Variants in SV2C observed in about 807,000 individuals in gnomAD.
SV2C encodes synaptic vesicle glycoprotein 2C.
In SV2C, 49 loss-of-function variants were observed where a neutral mutation model predicts 79.7. That is an observed-to-expected ratio of 0.61 (90% CI 0.49 to 0.78). SV2C has a LOEUF of 0.78. SV2C is among the 30% of genes least tolerant of loss of function. SV2C has a pLI of 0.00. For missense variants in SV2C, 833 were observed against 912.9 expected, an observed-to-expected ratio of 0.91 and a Z score of 1.13; for synonymous variants, 334 against 333.2, an observed-to-expected ratio of 1.00 and a Z score of -0.03.
intron 1 of SV2C, chr5:76,084,110 C>G (rs999274875): frequency 2.0e-5 from 3 of 152,354 alleles, no homozygotes; most frequent in Non-Finnish European, 4.4e-5. Flanking sequence ...TGTCTGGCGT[C>G]TAAGAGAGAG....
chr5:76,165,513 C>T (rs1580320644), intron 2 of SV2C, among the ~76,000 whole-genome samples: 1 of 152,182 alleles, frequency 6.6e-6, no homozygotes, highest in African/African-American at 2.4e-5. Flanking sequence ...CTGTCCTCAA[C>T]CCTAACCCCT....
intron 2 of SV2C, among the ~76,000 whole-genome samples, chr5:76,168,359 C>T (rs1743106123): frequency 6.6e-6 from 1 of 152,184 alleles, no homozygotes; most frequent in Non-Finnish European, 1.5e-5. Context: ...ACTGCAGTAG[C>T]TGCCCCCACC....
the SV2C span, among the ~76,000 whole-genome samples, chr5:76,033,774 A>G: frequency 6.6e-6 from 1 of 151,986 alleles, no homozygotes; most frequent in African/African-American, 2.4e-5. Context: ...GTTTTTTCCA[A>G]TTCTGTGAAG....
chr5:75,884,116 C>A, the SV2C span, among the ~76,000 whole-genome samples: 1 of 152,136 alleles, frequency 6.6e-6, no homozygotes, highest in Non-Finnish European at 1.5e-5. Context: ...GGGAGATTTT[C>A]TTCAGGAAGG....
the SV2C span, among the ~76,000 whole-genome samples, chr5:75,895,894 T>C: frequency 0.015 from 2,326 of 152,212 alleles, 62 homozygotes; most frequent in African/African-American, 0.053. Flanking sequence ...CATTAATTTT[T>C]ATTGTAGTAC....
At chr5:76,030,795 A>G in the SV2C span, among the ~76,000 whole-genome samples, 12 of 152,142 alleles carry the variant, frequency 7.9e-5, no homozygotes, top group South Asian at 2.5e-3. Context: ...AAAAAAGAAA[A>G]AAGAAAGGTT....
chr5:76,303,364 A>C (rs2112529347), intron 12 of SV2C, among the ~76,000 whole-genome samples: 1 of 152,350 alleles, frequency 6.6e-6, no homozygotes, highest in East Asian at 1.9e-4. Flanking sequence ...AACAGAGCTT[A>C]GATGTGGATT....
the SV2C span, among the ~76,000 whole-genome samples, chr5:76,030,289 T>TTTTTTTTTTTTTTTTTTTTTTTATTTA: frequency 3.4e-5 from 4 of 117,912 alleles, no homozygotes; most frequent in African/African-American, 1.6e-4. Flanking sequence ...TTTTTTTTTT[T>TTTTTTTTTTTTTTTTTTTTTTTATTTA]TTTATTTATT....
Position 76,285,860 on chromosome 5 carries a change from A to T in SV2C, c.1127A>T (p.Lys376Met). The T allele has an allele frequency of 6.2e-7, 1 of 1,614,012 alleles. No individual in the cohort carries two copies. The highest frequency in any genetic ancestry group is 1.1e-5 in the South Asian group (1 of 91,040). The stretch of plus-strand genomic sequence containing the variant: ...ATGAGAGCCCGGGGTCAGCCTGAGA[A>T]GGTCTTCACGGTGAGTCTTCTCCCC... ...TNMRARGQPE[K>M]VFTVNKIKTP... Residue 376 changes from lysine (K) to methionine (M), a missense_variant, in exon 6 of 13, where the codon AAG becomes ATG. Physicochemically the swap from Lys to Met is moderately conservative, Grantham distance 95. Transcript: ENST00000502798.
the SV2C span, among the ~76,000 whole-genome samples, chr5:76,010,891 T>C: frequency 3.4e-3 from 517 of 152,244 alleles, 1 homozygote; most frequent in African/African-American, 0.012. Flanking sequence ...AGACTGCTAA[T>C]CTCATGAAAC....
At chr5:76,203,913 T>C (rs188051859) in intron 3 of SV2C, among the ~76,000 whole-genome samples, 23 of 152,346 alleles carry the variant, frequency 1.5e-4, no homozygotes, top group African/African-American at 5.5e-4. Flanking sequence ...TGTTCTTGAT[T>C]TGATGATGAG....
At chr5:76,118,867 C>T (rs545973123) in intron 1 of SV2C, among the ~76,000 whole-genome samples, 1 of 152,244 alleles carries the variant, frequency 6.6e-6, no homozygotes, top group African/African-American at 2.4e-5. Flanking sequence ...CTTGTATTCC[C>T]AGCTACTCAG....
At chr5:75,906,810 G>A in the SV2C span, among the ~76,000 whole-genome samples, 4 of 151,962 alleles carry the variant, frequency 2.6e-5, no homozygotes, top group South Asian at 2.1e-4. Context: ...TCCTAACTAG[G>A]GTTAATTTTG....
Position 76,291,772 on chromosome 5 carries a change from G to C in SV2C, c.1253G>C (p.Trp418Ser), listed in dbSNP as rs780578869. 3 of 1,606,374 alleles carry C rather than the reference G, an allele frequency of 1.9e-6. No homozygotes were observed. The highest frequency in any genetic ancestry group is 2.6e-6 in the Non-Finnish European group (3 of 1,174,948). ...VRIRTELYGI[W>S]LTFMRCFNYP... ...TAACTCTCTAATATTTCACAGATTT[G>C]GTTGACTTTTATGAGATGTTTCAAC... is the stretch of plus-strand genomic sequence containing the variant. The change falls in exon 8 of 13, where the codon TGG (tryptophan) becomes TCG (serine). Residue 418 changes from tryptophan to serine, a missense_variant. Trp to Ser is a radical substitution (Grantham distance 177). Coordinates refer to ENST00000502798, the MANE Select transcript of SV2C (RefSeq NM_014979.4).
chr5:76,236,391 C>T lies in SV2C; in HGVS notation c.913+26504C>T, dbSNP rs188804970. Among the ~76,000 whole-genome samples the T allele has an allele frequency of 4.6e-4, 70 of 151,976 alleles. 1 individual carries two copies. Among genetic ancestry groups the T allele is most frequent in the Admixed American group, 1.0e-3 (16 of 15,252 alleles). ...CAGCCTGGTCAGCATGGTGAAACCC[C>T]GTCTCTACTAAAAATACAGAATTAT... is the stretch of plus-strand genomic sequence containing the variant. On this transcript the variant is annotated intron_variant, in intron 4 of 12. Coordinates refer to ENST00000502798, the MANE Select transcript of SV2C (RefSeq NM_014979.4).
the SV2C span, among the ~76,000 whole-genome samples, chr5:75,944,253 C>G: frequency 6.6e-6 from 1 of 152,114 alleles, no homozygotes; most frequent in East Asian, 1.9e-4. Context: ...GTGGTTTGCC[C>G]ACACCCACTT....
the SV2C span, among the ~76,000 whole-genome samples, chr5:75,984,712 T>C: frequency 6.6e-6 from 1 of 152,072 alleles, no homozygotes; most frequent in Admixed American, 6.6e-5. Context: ...GAGGACTGCA[T>C]AGGCAAGTCT....
intron 4 of SV2C, among the ~76,000 whole-genome samples, chr5:76,283,030 C>T (rs1259400655): frequency 6.6e-6 from 1 of 150,710 alleles, no homozygotes; most frequent in Non-Finnish European, 1.5e-5. Context: ...AAAACAAAAA[C>T]AAGTCTGGGC....
intron 7 of SV2C, 89 bp from the exon 8 acceptor site, chr5:76,291,679 C>T (rs1747570486): frequency 1.1e-6 from 1 of 873,020 alleles, no homozygotes; most frequent in Non-Finnish European, 1.8e-6. Flanking sequence ...AATGACAACT[C>T]AGCATTTTTT....
Sources: gnomAD v4.1 joint callset for allele counts (sites outside exome capture counted in the v4.1 genomes callset) on GRCh38, gnomAD v4.1.1 for gene constraint, MANE v1.5 for transcripts, NCBI Gene and HGNC (gene_info 2026-07-23, HGNC 2026-07-21) for gene names.